BZW2: variants seen among roughly 807,000 people sequenced by gnomAD.
The protein encoded by BZW2 is basic leucine zipper and W2 domains 2, also known as eIF5-mimic protein 1.
A neutral mutation model predicts 53.2 loss-of-function variants in BZW2; 23 were observed. That is an observed-to-expected ratio of 0.43 (90% confidence interval 0.31 to 0.61). The LOEUF is 0.61. Ranked by LOEUF, BZW2 falls within the 20% of genes least tolerant of loss-of-function variation. The pLI is 0.09. For synonymous variants in BZW2, 227 were observed against 186.4 expected (o/e 1.22, Z -1.77); for missense variants, 409 against 503.1 (o/e 0.81, Z 1.79).
intron 1 of BZW2, among the ~76,000 whole-genome samples, chr7:16,651,810 CTT>C (rs943307071): frequency 1.4e-4 from 22 of 152,216 alleles, no homozygotes; most frequent in African/African-American, 4.6e-4. Context: ...ATGGAGAACT[CTT>C]TGGTATTTTG....
At chr7:16,649,569 A>T (rs901455148) in intron 1 of BZW2, among the ~76,000 whole-genome samples, 1 of 152,204 alleles carries the variant, frequency 6.6e-6, no homozygotes, top group Non-Finnish European at 1.5e-5. Flanking sequence ...CTACATTAGG[A>T]GAATGCTGCC....
At chr7:16,653,622 A>G (rs1782042436) in intron 1 of BZW2, among the ~76,000 whole-genome samples, 1 of 152,222 alleles carries the variant, frequency 6.6e-6, no homozygotes. Context: ...CTCAACATGT[A>G]TTTAGGTATC....
At chr7:16,650,942 G>C (rs1345174358) in intron 1 of BZW2, among the ~76,000 whole-genome samples, 1 of 152,018 alleles carries the variant, frequency 6.6e-6, no homozygotes, top group East Asian at 1.9e-4. Context: ...CATTCTTTAA[G>C]GTTAAATGCC....
intron 5 of BZW2, among the ~76,000 whole-genome samples, chr7:16,683,112 C>A (rs1783004774): frequency 6.6e-6 from 1 of 152,176 alleles, no homozygotes; most frequent in South Asian, 2.1e-4. Flanking sequence ...AGGAGAATTG[C>A]TTGAACCTGG....
intron 1 of BZW2, among the ~76,000 whole-genome samples, chr7:16,651,410 TATATCCAC>T (rs1424793908): frequency 6.6e-6 from 1 of 152,264 alleles, no homozygotes; most frequent in Non-Finnish European, 1.5e-5. Flanking sequence ...ATCCTTTTTA[TATATCCAC>T]ACAGAAGACT....
chr7:16,668,497 T>C (rs1235724451), intron 2 of BZW2, among the ~76,000 whole-genome samples: 3 of 152,210 alleles, frequency 2.0e-5, no homozygotes, highest in Non-Finnish European at 4.4e-5. Context: ...GGAATAAAAA[T>C]TGAGTCAACT....
At chr7:16,694,548 C>A (rs1433694542) in intron 7 of BZW2, among the ~76,000 whole-genome samples, 1 of 152,090 alleles carries the variant, frequency 6.6e-6, no homozygotes, top group Non-Finnish European at 1.5e-5. Flanking sequence ...AGGGCAGAGC[C>A]CTTATAATCC....
chr7:16,650,804 G>A (rs777832054), intron 1 of BZW2, among the ~76,000 whole-genome samples: 2 of 152,192 alleles, frequency 1.3e-5, no homozygotes, highest in African/African-American at 4.8e-5. Context: ...GTTAGGTGCC[G>A]AGTGGAATGA....
chr7:16,648,701 TC>T (rs1433672794), intron 1 of BZW2, among the ~76,000 whole-genome samples: 4 of 152,138 alleles, frequency 2.6e-5, no homozygotes, highest in Admixed American at 2.6e-4. Flanking sequence ...ATCTGGGCCC[TC>T]CCACACACTG....
chr7:16,676,482 A>G (rs1782769224), intron 3 of BZW2, among the ~76,000 whole-genome samples: 1 of 151,902 alleles, frequency 6.6e-6, no homozygotes. Context: ...CAGGAAGTGG[A>G]GGTTGCAGTG....
Position 16,702,996 on chromosome 7 carries a change from G to A in BZW2, c.1109-1551G>A, listed in dbSNP as rs28607418. Among the ~76,000 whole-genome samples, 1,116 of 152,160 alleles carry A rather than the reference G, an allele frequency of 7.3e-3. 13 individuals are homozygous for A. Among genetic ancestry groups the A allele is most frequent in the African/African-American group, 0.025 (1,058 of 41,536 alleles). Reference sequence around the variant, plus strand: ...AGATAATTTACAAGTTATATAAAAGGGTCTTTTAAAATCCCTGTTAATGTT... The same window carrying A: ...AGATAATTTACAAGTTATATAAAAGAGTCTTTTAAAATCCCTGTTAATGTT... On this transcript the variant is annotated intron_variant, in intron 10 of 11. Transcript: ENST00000258761.
At chr7:16,650,502 G>A (rs1283016521) in intron 1 of BZW2, among the ~76,000 whole-genome samples, 1 of 152,164 alleles carries the variant, frequency 6.6e-6, no homozygotes, top group African/African-American at 2.4e-5. Context: ...GGTGTGACTG[G>A]TAGGTTCTTA....
At chr7:16,693,336 A>G (rs906225898) in intron 7 of BZW2, among the ~76,000 whole-genome samples, 1 of 152,212 alleles carries the variant, frequency 6.6e-6, no homozygotes, top group African/African-American at 2.4e-5. Flanking sequence ...ATGATTTTCA[A>G]TGTATTATAT....
intron 5 of BZW2, among the ~76,000 whole-genome samples, chr7:16,684,832 G>C (rs747223420): frequency 1.3e-5 from 2 of 152,132 alleles, no homozygotes; most frequent in Non-Finnish European, 2.9e-5. Flanking sequence ...TTCCAGTTCT[G>C]CCACTTTCAC....
chr7:16,668,318 A>G (rs1782492376), intron 2 of BZW2, among the ~76,000 whole-genome samples: 1 of 152,222 alleles, frequency 6.6e-6, no homozygotes, highest in African/African-American at 2.4e-5. Flanking sequence ...TCTCCTTCAG[A>G]ACCGGTTTGC....
intron 2 of BZW2, among the ~76,000 whole-genome samples, chr7:16,671,370 TTA>T (rs1181054445): frequency 6.6e-6 from 1 of 152,218 alleles, no homozygotes; most frequent in African/African-American, 2.4e-5. Context: ...ATAAATGTAA[TTA>T]TCTCTTGAGT....
intron 2 of BZW2, among the ~76,000 whole-genome samples, chr7:16,673,626 A>G (rs1370855202): frequency 6.6e-6 from 1 of 152,192 alleles, no homozygotes; most frequent in South Asian, 2.1e-4. Flanking sequence ...TCCCTTTGGA[A>G]TGCTTTGGAG....
intron 1 of BZW2, among the ~76,000 whole-genome samples, chr7:16,651,412 T>C (rs1781980766): frequency 6.6e-6 from 1 of 152,232 alleles, no homozygotes; most frequent in African/African-American, 2.4e-5. Flanking sequence ...CCTTTTTATA[T>C]ATCCACACAG....
chr7:16,652,771 C>T (rs908995350), intron 1 of BZW2, among the ~76,000 whole-genome samples: 19 of 152,126 alleles, frequency 1.2e-4, no homozygotes, highest in Non-Finnish European at 2.5e-4. Flanking sequence ...GTGATTCGCC[C>T]GCCTTGGCTT....
Sources: allele counts gnomAD v4.1 joint callset (sites outside exome capture counted in the v4.1 genomes callset), GRCh38; gene constraint gnomAD v4.1.1; transcripts MANE v1.5; gene names NCBI Gene and HGNC (gene_info 2026-07-23, HGNC 2026-07-21).